Variants in PIP5K1B observed in about 807,000 individuals in gnomAD.
The protein encoded by PIP5K1B is phosphatidylinositol 4-phosphate 5-kinase type-1 beta.
In PIP5K1B, 42 loss-of-function variants were observed where a neutral mutation model predicts 67.0. The observed-to-expected ratio is 0.63, with a 90% CI of 0.49 to 0.81. The LOEUF is 0.81. Among genes scored for constraint, PIP5K1B ranks in the 30% least tolerant of loss-of-function variants. The pLI is 0.00. For synonymous variants in PIP5K1B, 214 were observed against 231.4 expected (o/e 0.92, Z 0.68); for missense variants, 459 against 646.3 (o/e 0.71, Z 3.14).
chr9:68,798,122 G>A (rs1375041645), intron 2 of PIP5K1B, among the ~76,000 whole-genome samples: 1 of 152,048 alleles, frequency 6.6e-6, no homozygotes, highest in Non-Finnish European at 1.5e-5. Context: ...ATCTGTTGGA[G>A]CCCAGATTTG....
At chr9:68,999,781 A>G (rs193203229) in intron 15 of PIP5K1B, among the ~76,000 whole-genome samples, 40 of 152,356 alleles carry the variant, frequency 2.6e-4, no homozygotes, top group Non-Finnish European at 4.7e-4. Context: ...TGGGCTTGCC[A>G]ATGAGTTCCT....
At chr9:68,813,235 G>A (rs533583716) in intron 2 of PIP5K1B, among the ~76,000 whole-genome samples, 78 of 152,312 alleles carry the variant, frequency 5.1e-4, no homozygotes, top group African/African-American at 1.8e-3. Context: ...GAGATGAAGA[G>A]CCAAAGAGAG....
At chr9:68,995,995 G>A (rs1301753123) in intron 15 of PIP5K1B, among the ~76,000 whole-genome samples, 1 of 152,100 alleles carries the variant, frequency 6.6e-6, no homozygotes, top group African/African-American at 2.4e-5. Context: ...CACCAAACGT[G>A]GTCAGGTTTC....
chr9:68,945,181 T>C (rs939991230), intron 14 of PIP5K1B, among the ~76,000 whole-genome samples: 2 of 152,118 alleles, frequency 1.3e-5, no homozygotes, highest in Non-Finnish European at 2.9e-5. Flanking sequence ...AGTCTCGCGC[T>C]GTGGCCCAGG....
intron 4 of PIP5K1B, among the ~76,000 whole-genome samples, chr9:68,852,434 G>T (rs1228515870): frequency 1.3e-5 from 2 of 151,966 alleles, no homozygotes; most frequent in Non-Finnish European, 2.9e-5. Context: ...CCACAGAGAG[G>T]AGCTGTAACC....
chr9:68,795,254 C>T (rs1455739495), intron 2 of PIP5K1B, among the ~76,000 whole-genome samples: 1 of 152,060 alleles, frequency 6.6e-6, no homozygotes, highest in African/African-American at 2.4e-5. Context: ...CTTGTGACTT[C>T]CAAGCTTTCT....
At chr9:68,863,521 A>G (rs1047253755) in intron 4 of PIP5K1B, among the ~76,000 whole-genome samples, 1 of 152,244 alleles carries the variant, frequency 6.6e-6, no homozygotes, top group South Asian at 2.1e-4. Context: ...AATGGGAAAT[A>G]TTGGTGTCCC....
At chr9:68,942,625 A>G (rs891447845) in intron 14 of PIP5K1B, among the ~76,000 whole-genome samples, 6 of 152,086 alleles carry the variant, frequency 3.9e-5, no homozygotes, top group African/African-American at 2.4e-5. Flanking sequence ...CCACCTCCGC[A>G]TGCTCCCAGA....
chr9:68,931,325 T>C (rs1826985793), intron 12 of PIP5K1B, among the ~76,000 whole-genome samples: 2 of 152,202 alleles, frequency 1.3e-5, no homozygotes, highest in African/African-American at 4.8e-5. Flanking sequence ...TTCAGAACAA[T>C]AATGCATTCA....
intron 8 of PIP5K1B, among the ~76,000 whole-genome samples, chr9:68,905,811 G>A (rs1301415415): frequency 1.3e-5 from 2 of 152,168 alleles, no homozygotes; most frequent in Non-Finnish European, 2.9e-5. Context: ...CGATTACCTT[G>A]TGAAAAGTAA....
chr9:68,773,143 T>C (rs922380966), intron 2 of PIP5K1B, among the ~76,000 whole-genome samples: 1 of 152,196 alleles, frequency 6.6e-6, no homozygotes, highest in Non-Finnish European at 1.5e-5. Flanking sequence ...CCCACCCAGC[T>C]GAAAGATCCA....
At chr9:68,834,750 A>T (rs1834508128) in intron 4 of PIP5K1B, among the ~76,000 whole-genome samples, 1 of 152,196 alleles carries the variant, frequency 6.6e-6, no homozygotes, top group Non-Finnish European at 1.5e-5. Context: ...GAAGGTGCTC[A>T]GTTCCATTCC....
intron 2 of PIP5K1B, chr9:68,789,430 T>C: frequency 2.1e-6 from 1 of 473,960 alleles, no homozygotes; most frequent in Non-Finnish European, 4.2e-6. Context: ...GTGAAGAAAC[T>C]CTGACAAATA....
intron 4 of PIP5K1B, among the ~76,000 whole-genome samples, chr9:68,835,824 G>T (rs1834572668): frequency 7.0e-6 from 1 of 142,654 alleles, no homozygotes; most frequent in African/African-American, 2.6e-5. Flanking sequence ...AAAAGCCTGT[G>T]CCTAGAAAGT....
intron 1 of PIP5K1B, among the ~76,000 whole-genome samples, chr9:68,737,329 G>A (rs2132306333): frequency 6.6e-6 from 1 of 152,292 alleles, no homozygotes; most frequent in South Asian, 2.1e-4. Context: ...ATAGTGTTAT[G>A]TTTATTTTGC....
At chr9:68,752,387 G>A (rs1156901947) in intron 2 of PIP5K1B, among the ~76,000 whole-genome samples, 3 of 152,216 alleles carry the variant, frequency 2.0e-5, no homozygotes, top group African/African-American at 7.2e-5. Flanking sequence ...GTTAGTGCAA[G>A]GGTAGGATAT....
At chr9:68,893,698 A>C (rs1306450466) in intron 7 of PIP5K1B, among the ~76,000 whole-genome samples, 1 of 152,212 alleles carries the variant, frequency 6.6e-6, no homozygotes, top group African/African-American at 2.4e-5. Context: ...AGATGAGAGA[A>C]ATGATAAATA....
Position 68,895,057 on chromosome 9 carries a change from T to G in PIP5K1B, c.771+419T>G, listed in dbSNP as rs182337739. Among the ~76,000 whole-genome samples the G allele has an allele frequency of 4.6e-5, 7 of 151,648 alleles. No individual in the cohort carries two copies. The East Asian group carries it at 1.4e-3, about 29-fold the overall frequency. ...ACTGGGGAGACAAGTTTAAAGAAAATGTACTTGGGATTAATAATGGCTCCC... is the reference window on the plus strand; with the variant it reads ...ACTGGGGAGACAAGTTTAAAGAAAAGGTACTTGGGATTAATAATGGCTCCC... On this transcript the variant is annotated intron_variant, in intron 8 of 15. Transcript: ENST00000265382.
Position 68,705,327 on chromosome 9 carries a change from C to T in PIP5K1B, c.-678C>T, listed in dbSNP as rs1048428046. On this transcript the variant is annotated 5_prime_UTR_variant, in exon 1 of 16. Coordinates refer to ENST00000265382, the MANE Select transcript of PIP5K1B (RefSeq NM_003558.4). The stretch of plus-strand genomic sequence containing the variant: ...GGCGCCGCTGCTGCTCCTCTCGGTC[C>T]CCGGTTCCCGGTCCCCGAACGCGCC... 1 of 151,428 alleles carries T rather than the reference C, an allele frequency of 6.6e-6. No homozygotes were observed. The highest frequency in any genetic ancestry group is 1.5e-5 in the Non-Finnish European group (1 of 67,690). 9.4% of individuals were successfully genotyped at this position (151,428 alleles called of 1,614,324 possible).
Sources: allele counts gnomAD v4.1 joint callset (sites outside exome capture counted in the v4.1 genomes callset), GRCh38; gene constraint gnomAD v4.1.1; transcripts MANE v1.5; gene names NCBI Gene and HGNC (gene_info 2026-07-23, HGNC 2026-07-21).